The following SLCO3A1 variants were observed in gnomAD, a reference collection of about 807,000 sequenced individuals.
The protein encoded by SLCO3A1 is PGE1 transporter.
In SLCO3A1, 27 loss-of-function variants were observed where a neutral mutation model predicts 63.1. That is an observed-to-expected ratio of 0.43 (90% CI 0.32 to 0.59). The LOEUF is 0.59. Among genes scored for constraint, SLCO3A1 ranks in the 20% least tolerant of loss-of-function variants. The pLI is 0.09. For synonymous variants in SLCO3A1, 473 were observed against 409.9 expected (o/e 1.15, Z -1.86); for missense variants, 773 against 945.8 (o/e 0.82, Z 2.40).
At chr15:92,068,291 C>G (rs1209668954) in intron 2 of SLCO3A1, among the ~76,000 whole-genome samples, 2 of 152,180 alleles carry the variant, frequency 1.3e-5, no homozygotes, top group African/African-American at 4.8e-5. Context: ...AATTAGCTCT[C>G]AGATTGCAAA....
At chr15:91,964,873 C>T (rs914241533) in intron 2 of SLCO3A1, among the ~76,000 whole-genome samples, 2 of 152,050 alleles carry the variant, frequency 1.3e-5, no homozygotes, top group Non-Finnish European at 2.9e-5. Context: ...CGTCAGGTGA[C>T]AGTGTGTGGT....
At chr15:92,007,263 C>T (rs1428559960) in intron 2 of SLCO3A1, among the ~76,000 whole-genome samples, 1 of 152,162 alleles carries the variant, frequency 6.6e-6, no homozygotes, top group Admixed American at 6.5e-5. Flanking sequence ...GGTTGGAGAA[C>T]CCATAAACAC....
chr15:92,109,030 C>T (rs2047698108), intron 4 of SLCO3A1, among the ~76,000 whole-genome samples: 2 of 152,126 alleles, frequency 1.3e-5, no homozygotes, highest in Non-Finnish European at 1.5e-5. Context: ...CAGAACAGTG[C>T]ATAGCATGTA....
Position 91,872,530 on chromosome 15 carries a change from T to A in SLCO3A1, c.180+18442T>A, listed in dbSNP as rs1897305438. ...GCCAGGGCAACAAAATGAGACTCCG[T>A]CTCAAAAAAAAAAAGAAAAGAAAAA... On this transcript the variant is annotated intron_variant, in intron 1 of 9. Transcript: ENST00000318445. This position sits in a 1 kb window ranked among gnomAD's most constrained non-coding sequence, Gnocchi z 4.1. Among the ~76,000 whole-genome samples the A allele has an allele frequency of 6.7e-6, 1 of 150,004 alleles. No homozygotes were observed.
At chr15:92,117,380 A>G (rs1596116135) in intron 4 of SLCO3A1, among the ~76,000 whole-genome samples, 1 of 152,310 alleles carries the variant, frequency 6.6e-6, no homozygotes, top group South Asian at 2.1e-4. Flanking sequence ...CAGGAGTCCT[A>G]GACTCTGAAG....
At chr15:92,014,440 T>C (rs1420533489) in intron 2 of SLCO3A1, among the ~76,000 whole-genome samples, 1 of 152,166 alleles carries the variant, frequency 6.6e-6, no homozygotes, top group African/African-American at 2.4e-5. Flanking sequence ...TATTTTCAAT[T>C]ACAGTCATAA....
intron 2 of SLCO3A1, among the ~76,000 whole-genome samples, chr15:92,024,256 A>T (rs1175158873): frequency 7.2e-5 from 11 of 152,162 alleles, no homozygotes. Flanking sequence ...CTTTTAGTGG[A>T]GTCTGTGTGT....
intron 2 of SLCO3A1, among the ~76,000 whole-genome samples, chr15:92,051,266 G>A (rs1477176691): frequency 6.6e-6 from 1 of 152,176 alleles, no homozygotes; most frequent in African/African-American, 2.4e-5. Flanking sequence ...GAGGTGGATG[G>A]AGAGATTTCA....
intron 1 of SLCO3A1, among the ~76,000 whole-genome samples, chr15:91,895,046 C>G (rs912618391): frequency 1.3e-5 from 2 of 152,172 alleles, no homozygotes; most frequent in Non-Finnish European, 2.9e-5. Flanking sequence ...GAACAGAGTT[C>G]CTGGGCAATT....
chr15:91,989,504 T>C (rs916082014), intron 2 of SLCO3A1, among the ~76,000 whole-genome samples: 4 of 152,176 alleles, frequency 2.6e-5, no homozygotes, highest in African/African-American at 9.7e-5. Flanking sequence ...TCTCAGTCTA[T>C]AAAAATGAAT....
intron 9 of SLCO3A1, among the ~76,000 whole-genome samples, chr15:92,155,736 A>G (rs988254057): frequency 5.3e-5 from 8 of 152,134 alleles, no homozygotes; most frequent in African/African-American, 1.7e-4. Context: ...GATCCCCCCA[A>G]CCCAACCGAC....
intron 2 of SLCO3A1, among the ~76,000 whole-genome samples, chr15:91,975,747 G>A (rs1432638146): frequency 6.6e-6 from 1 of 152,216 alleles, no homozygotes; most frequent in East Asian, 1.9e-4. Context: ...CTATAACTAT[G>A]AGATTGCCCC....
intron 2 of SLCO3A1, among the ~76,000 whole-genome samples, chr15:91,926,792 G>A (rs1485029356): frequency 1.3e-5 from 2 of 152,086 alleles, no homozygotes; most frequent in African/African-American, 4.8e-5. Context: ...GTGCCTTGCG[G>A]GAGTCGGGGC....
intron 2 of SLCO3A1, among the ~76,000 whole-genome samples, chr15:91,957,215 C>T (rs1349406848): frequency 8.0e-6 from 1 of 125,466 alleles, no homozygotes; most frequent in African/African-American, 3.2e-5. Context: ...GGTCTCAAAC[C>T]CCTGACTTCA....
chr15:91,903,751 A>T (rs906900158), intron 1 of SLCO3A1, among the ~76,000 whole-genome samples: 1 of 152,240 alleles, frequency 6.6e-6, no homozygotes, highest in African/African-American at 2.4e-5. Context: ...CAGCATGGCC[A>T]TAAGATGGTA....
intron 2 of SLCO3A1, among the ~76,000 whole-genome samples, chr15:92,013,290 G>A (rs137974304): frequency 5.9e-5 from 9 of 152,364 alleles, no homozygotes; most frequent in Admixed American, 1.3e-4. Flanking sequence ...TCATTTCGTG[G>A]ATGAATAGAG....
At chr15:92,090,208 C>T (rs1245210187) in intron 2 of SLCO3A1, among the ~76,000 whole-genome samples, 1 of 152,154 alleles carries the variant, frequency 6.6e-6, no homozygotes, top group African/African-American at 2.4e-5. Flanking sequence ...ACTCAGCTCA[C>T]AAAGATGTAA....
chr15:92,073,210 A>G (rs766596110), intron 2 of SLCO3A1, among the ~76,000 whole-genome samples: 27 of 152,222 alleles, frequency 1.8e-4, no homozygotes, highest in Non-Finnish European at 3.2e-4. Context: ...TCATCTGTGA[A>G]AAATGAGATA....
chr15:92,059,006 T>A (rs931878409), intron 2 of SLCO3A1, among the ~76,000 whole-genome samples: 10 of 152,210 alleles, frequency 6.6e-5, no homozygotes, highest in Admixed American at 2.0e-4. Flanking sequence ...TATTTCCAAA[T>A]GCATCGCACT....
Sources: allele counts gnomAD v4.1 joint callset (sites outside exome capture counted in the v4.1 genomes callset), GRCh38; gene constraint gnomAD v4.1.1; non-coding constraint Gnocchi (gnomAD v3.1); transcripts MANE v1.5; gene names NCBI Gene and HGNC (gene_info 2026-07-23, HGNC 2026-07-21).